SOX30: variants seen among roughly 807,000 people sequenced by gnomAD.
SOX30 encodes the protein SRY-box transcription factor 30.
A neutral mutation model predicts 58.6 loss-of-function variants in SOX30; 17 were observed. The ratio of observed to expected loss-of-function variants is 0.29; its 90% CI spans 0.20 to 0.44. The LOEUF (loss-of-function observed/expected upper bound fraction) is 0.44, where lower values mean the gene tolerates loss of function less well. Among genes scored for constraint, SOX30 ranks in the 20% least tolerant of loss-of-function variants. SOX30 has a pLI of 1.00. For missense variants in SOX30, 951 were observed against 965.8 expected, an observed-to-expected ratio of 0.98 and a Z score of 0.20; for synonymous variants, 421 against 400.2, an observed-to-expected ratio of 1.05 and a Z score of -0.62.
chr5:157,637,638 A>G (rs1448183843), intron 4 of SOX30, among the ~76,000 whole-genome samples: 1 of 152,208 alleles, frequency 6.6e-6, no homozygotes, highest in Non-Finnish European at 1.5e-5. Flanking sequence ...ACATTTGACT[A>G]AATGATCTTA....
At position 157,651,856 on chromosome 5, in the gene SOX30, G is replaced by C; in HGVS notation, c.223C>G (p.Pro75Ala). 3.8e-6 allele frequency: 6 copies of C among 1,574,202 alleles called. No individual in the cohort carries two copies. Among genetic ancestry groups the C allele is most frequent in the Non-Finnish European group, 5.2e-6 (6 of 1,164,664 alleles). The change falls in exon 1 of 5, where the codon CCA becomes GCA. Residue 75 changes from proline to alanine, a missense_variant. This residue lies in a region of SOX30 where 363 missense variants were observed against 294.5 expected (regional missense o/e 1.23). Coordinates refer to ENST00000265007, the MANE Select transcript of SOX30 (RefSeq NM_178424.2). Reference protein sequence around the residue: ...PAVRRLLQVKPEQVLLLPQPQ... With the variant: ...PAVRRLLQVKAEQVLLLPQPQ... Reference sequence around the variant, plus strand: ...TGTGGTAGCAGCAACACCTGCTCTGGCTTCACCTGCAGCAGCCGCCGCACC... The same window carrying C: ...TGTGGTAGCAGCAACACCTGCTCTGCCTTCACCTGCAGCAGCCGCCGCACC...
At chr5:157,661,898 C>T (rs185890509) in intron 2 of SOX30, among the ~76,000 whole-genome samples, 3 of 152,200 alleles carry the variant, frequency 2.0e-5, no homozygotes, top group Admixed American at 1.3e-4. Flanking sequence ...CCCTTCTATT[C>T]TTGAAAAGAT....
At chr5:157,660,100 A>C (rs1759551664) in intron 2 of SOX30, among the ~76,000 whole-genome samples, 1 of 152,214 alleles carries the variant, frequency 6.6e-6, no homozygotes, top group African/African-American at 2.4e-5. Flanking sequence ...TTCCCATTGT[A>C]GCCTGAGCTA....
chr5:157,663,256 G>A (rs908770161), intron 2 of SOX30, among the ~76,000 whole-genome samples: 7 of 152,124 alleles, frequency 4.6e-5, no homozygotes, highest in Admixed American at 2.0e-4. Context: ...TATCCACCAC[G>A]ATCAAGTGGG....
chr5:157,651,871 G>T lies in SOX30; in HGVS notation c.208C>A (p.Leu70Met). The change falls in exon 1 of 5, where the codon CTG (leucine) becomes ATG (methionine). Residue 70 changes from leucine to methionine, a missense_variant. By Grantham distance (15) the Leu-to-Met change is conservative (BLOSUM62 2). This residue lies in a region of SOX30 where 363 missense variants were observed against 294.5 expected (regional missense o/e 1.23). Coordinates refer to ENST00000265007, the MANE Select transcript of SOX30 (RefSeq NM_178424.2). ...ACCTGCTCTGGCTTCACCTGCAGCA[G>T]CCGCCGCACCGCGGGCTGTAAGCCG... ...ASGLQPAVRR[L>M]LQVKPEQVLL... 6.4e-7 allele frequency: 1 copy of T among 1,557,876 alleles called. No homozygotes were observed. Among genetic ancestry groups the T allele is most frequent in the African/African-American group, 1.4e-5 (1 of 73,934 alleles).
In SOX30 at chr5:157,652,415, T is replaced by TC. The variant is rs1165969438; in HGVS notation, c.-338dup. The TC allele has an allele frequency of 9.5e-7, 1 of 1,048,628 alleles. No individual in the cohort carries two copies. The highest frequency in any genetic ancestry group is 6.9e-5 in the East Asian group (1 of 14,474). The allele number at this position is 1,048,628 out of a possible 1,614,324, so 65.0% of individuals were successfully genotyped here. ...TACAGCCGTTGTCTTTAGTCATCCC[T>TC]CCCCCACCCGGAGCTGCGACAATGG... On this transcript the variant is annotated 5_prime_UTR_variant, in exon 1 of 5. Coordinates refer to ENST00000265007, the MANE Select transcript of SOX30 (RefSeq NM_178424.2).
At chr5:157,649,170 T>C (rs1759267484) in intron 1 of SOX30, among the ~76,000 whole-genome samples, 1 of 152,060 alleles carries the variant, frequency 6.6e-6, no homozygotes, top group Non-Finnish European at 1.5e-5. Context: ...AGAGAGTAAA[T>C]TGTTGGCTTA....
chr5:157,632,625 A>T (rs1054375533), intron 4 of SOX30, among the ~76,000 whole-genome samples: 1 of 152,138 alleles, frequency 6.6e-6, no homozygotes, highest in Non-Finnish European at 1.5e-5. Context: ...AGAAAAAGAA[A>T]TGTCTGCATC....
chr5:157,645,122 G>C (rs1208151846), intron 3 of SOX30, among the ~76,000 whole-genome samples: 3 of 152,130 alleles, frequency 2.0e-5, no homozygotes, highest in African/African-American at 7.2e-5. Flanking sequence ...ACAGAACAGG[G>C]CTATAGGATC....
chr5:157,651,132 G>A lies in SOX30; in HGVS notation c.947C>T (p.Thr316Ile). The change falls in exon 1 of 5, where the codon ACC (threonine) becomes ATC (isoleucine). Residue 316 changes from threonine (T) to isoleucine (I), a missense_variant. Thr to Ile is a moderately conservative substitution (Grantham distance 89). Transcript: ENST00000265007. ...VKIETKDVPL[T>I]VLPSDAGIPD... Reference sequence around the variant, plus strand: ...AATACCTGCATCTGAGGGCAACACGGTGAGCGGGACATCTTTGGTTTCAAT... The same window carrying A: ...AATACCTGCATCTGAGGGCAACACGATGAGCGGGACATCTTTGGTTTCAAT... 1.3e-6 allele frequency: 2 copies of A among 1,553,384 alleles called. No homozygotes were observed. Among genetic ancestry groups the A allele is most frequent in the Non-Finnish European group, 1.7e-6 (2 of 1,149,664 alleles).
chr5:157,651,893 G>A lies in SOX30; in HGVS notation c.186C>T (p.Gly62=), dbSNP rs1410493243. The stretch of plus-strand genomic sequence containing the variant: ...GCAGCCGCCGCACCGCGGGCTGTAA[G>A]CCGGACGCCACTGCCTCCCCGCACG... The part of the protein sequence containing the change: ...ASSCGEAVAS[G]LQPAVRRLLQ... The change falls in exon 1 of 5, where the codon GGC becomes GGT. Residue 62 remains glycine, a synonymous_variant. Transcript: ENST00000265007. 9.1e-6 allele frequency: 14 copies of A among 1,538,656 alleles called. No homozygotes were observed. In the Admixed American group the frequency reaches 1.4e-4, roughly 15 times the overall value.
chr5:157,632,210 G>C (rs934785473), intron 4 of SOX30, among the ~76,000 whole-genome samples: 5 of 152,060 alleles, frequency 3.3e-5, no homozygotes, highest in African/African-American at 1.2e-4. Flanking sequence ...CACTGTGTTA[G>C]TGCATGATTG....
At chr5:157,659,604 C>A (rs1161874655) in intron 2 of SOX30, among the ~76,000 whole-genome samples, 1 of 152,202 alleles carries the variant, frequency 6.6e-6, no homozygotes, top group Non-Finnish European at 1.5e-5. Context: ...CTGAGGCAAG[C>A]CTTAATCAAT....
At chr5:157,640,180 T>A (rs1759029041) in intron 3 of SOX30, among the ~76,000 whole-genome samples, 1 of 152,196 alleles carries the variant, frequency 6.6e-6, no homozygotes, top group African/African-American at 2.4e-5. Context: ...TATTTGCATG[T>A]CTGCCACCCC....
chr5:157,663,563 C>A (rs929417540), intron 2 of SOX30, among the ~76,000 whole-genome samples: 1 of 152,142 alleles, frequency 6.6e-6, no homozygotes, highest in African/African-American at 2.4e-5. Flanking sequence ...TGCCCTCTCT[C>A]ACCACTCCTA....
At chr5:157,652,555 C>T (rs1490913197), upstream of SOX30, 2 of 185,056 alleles carry the variant, frequency 1.1e-5, no homozygotes, top group East Asian at 1.9e-4. Context: ...AGTAATCTGT[C>T]GGCCCTGAGT....
chr5:157,631,150 C>T (rs909221482), intron 4 of SOX30, among the ~76,000 whole-genome samples: 34 of 148,602 alleles, frequency 2.3e-4, no homozygotes, highest in African/African-American at 8.4e-4. Context: ...GTGGTATGAT[C>T]ATAGCTCACT....
chr5:157,637,157 T>TGGAAAGCA (rs1316801699), intron 4 of SOX30, among the ~76,000 whole-genome samples: 1 of 118,960 alleles, frequency 8.4e-6, no homozygotes, highest in Non-Finnish European at 1.7e-5. Flanking sequence ...AAAAAAAAAA[T>TGGAAAGCA]GGAAAGCAGA....
chr5:157,670,661 C>T (rs1759761447), intron 1 of SOX30, among the ~76,000 whole-genome samples: 1 of 152,136 alleles, frequency 6.6e-6, no homozygotes, highest in Non-Finnish European at 1.5e-5. Context: ...AAAATAGCAA[C>T]TCGTTAGCAG....
Sources: gnomAD v4.1 joint callset for allele counts (sites outside exome capture counted in the v4.1 genomes callset) on GRCh38, gnomAD v4.1.1 for gene constraint, gnomAD v4.1.1 regional missense constraint, MANE v1.5 for transcripts, NCBI Gene and HGNC (gene_info 2026-07-23, HGNC 2026-07-21) for gene names.